Variants in MRTFB observed in about 807,000 individuals in gnomAD.
MRTFB encodes the protein myocardin related transcription factor B, also known as myocardin-related transcription factor B.
MRTFB carries 29 observed loss-of-function variants against 104.2 expected under a neutral mutation model. That is an observed-to-expected ratio of 0.28 (90% CI 0.21 to 0.38). The LOEUF is 0.38. Among genes scored for constraint, MRTFB ranks in the 10% least tolerant of loss-of-function variants. The probability of loss-of-function intolerance (pLI) is 1.00; values close to 1 mark genes in which losing one functional copy is unlikely to be tolerated. For missense variants in MRTFB, 1,270 were observed against 1,341.6 expected (o/e 0.95, Z 0.83); for synonymous variants, 535 against 519.5 (o/e 1.03, Z -0.41).
chr16:14,210,163 A>G, intron 3 of MRTFB, 80 bp from the exon 4 acceptor site: 1 of 1,041,200 alleles, frequency 9.6e-7, no homozygotes, highest in South Asian at 1.5e-5. Flanking sequence ...ATAAAGCTTA[A>G]TTGCATCTCC....
chr16:14,205,197 A>T (rs1034610249), intron 3 of MRTFB, among the ~76,000 whole-genome samples: 6 of 152,064 alleles, frequency 3.9e-5, no homozygotes, highest in Non-Finnish European at 8.8e-5. Context: ...TAGTTTTTTT[A>T]TCCTACTGTT....
intron 3 of MRTFB, among the ~76,000 whole-genome samples, chr16:14,154,537 T>C (rs1039863589): frequency 1.2e-4 from 18 of 152,360 alleles, no homozygotes; most frequent in South Asian, 1.0e-3. Flanking sequence ...TGTGGTATAA[T>C]AGTTATCTAT....
intron 3 of MRTFB, among the ~76,000 whole-genome samples, chr16:14,172,829 T>G (rs1014642302): frequency 4.6e-5 from 7 of 152,222 alleles, no homozygotes; most frequent in Non-Finnish European, 8.8e-5. Context: ...GAATGAATTA[T>G]CTGTTTATTT....
chr16:14,017,687 G>GTGTGTATA, the MRTFB span, among the ~76,000 whole-genome samples: 9 of 6,814 alleles, frequency 1.3e-3, no homozygotes, highest in African/African-American at 2.3e-3. Context: ...GTGTGTGTGT[G>GTGTGTATA]TATATATATA....
At chr16:14,117,847 A>G (rs2036620734) in intron 2 of MRTFB, among the ~76,000 whole-genome samples, 2 of 152,194 alleles carry the variant, frequency 1.3e-5, no homozygotes, top group South Asian at 4.1e-4. Context: ...AAGAAAAGCC[A>G]TTCATAGGTT....
At chr16:14,092,867 G>A (rs2035162273) in intron 2 of MRTFB, 1 of 152,170 alleles carries the variant, frequency 6.6e-6, no homozygotes, top group Non-Finnish European at 1.5e-5. Flanking sequence ...GAAAGGACTG[G>A]AAGTTCACCT....
chr16:14,245,470 C>G, intron 10 of MRTFB, 58 bp from the exon 11 acceptor site: 2 of 1,451,408 alleles, frequency 1.4e-6, no homozygotes, highest in South Asian at 2.6e-5. Flanking sequence ...TTAATAGAAG[C>G]AATGTCAAAT....
At chr16:14,236,809 A>G (rs974722839) in intron 9 of MRTFB, among the ~76,000 whole-genome samples, 1 of 152,174 alleles carries the variant, frequency 6.6e-6, no homozygotes, top group African/African-American at 2.4e-5. Flanking sequence ...TTTTGAGCTG[A>G]TATGTTAGAA....
At chr16:14,210,204 T>A in intron 3 of MRTFB, 39 bp from the exon 4 acceptor site, 1 of 1,543,268 alleles carries the variant, frequency 6.5e-7, no homozygotes, top group Non-Finnish European at 8.9e-7. Context: ...ATCCCACAGT[T>A]GCCGATAAAC....
chr16:14,196,688 G>C (rs190904709), intron 3 of MRTFB, among the ~76,000 whole-genome samples: 1 of 152,048 alleles, frequency 6.6e-6, no homozygotes, highest in Non-Finnish European at 1.5e-5. Context: ...GTAGTGTCTG[G>C]GGTTGATATT....
chr16:14,069,763 T>C (rs1305979792), upstream of MRTFB, among the ~76,000 whole-genome samples: 1 of 152,248 alleles, frequency 6.6e-6, no homozygotes, highest in East Asian at 1.9e-4. Flanking sequence ...ATTACAGGAA[T>C]GAGCAACCTT....
intron 1 of MRTFB, among the ~76,000 whole-genome samples, chr16:14,076,106 TA>T (rs1233168411): frequency 6.6e-6 from 1 of 151,448 alleles, no homozygotes; most frequent in African/African-American, 2.5e-5. Context: ...ATATACATAC[TA>T]TGTGAATATT....
At chr16:14,061,502 C>G in the MRTFB span, among the ~76,000 whole-genome samples, 1 of 151,642 alleles carries the variant, frequency 6.6e-6, no homozygotes, top group East Asian at 1.9e-4. Flanking sequence ...TTGTTCAAGG[C>G]CAGACAGCAA....
In MRTFB at chr16:14,195,052, A is replaced by T. The variant is rs373812663; in HGVS notation, c.155-15191A>T. 7.2e-5 allele frequency among the ~76,000 whole-genome samples: 11 copies of T among 152,320 alleles called. No homozygotes were observed. In the East Asian group the frequency reaches 2.1e-3, roughly 29 times the overall value. On this transcript the variant is annotated intron_variant, in intron 3 of 16. Transcript: ENST00000571589. ...TGAATATGATTTCTGAGGAGGTGCA[A>T]GTATCCAGTGTCTGCATTCTAGCAT...
At chr16:14,006,292 G>A in the MRTFB span, among the ~76,000 whole-genome samples, 8 of 152,012 alleles carry the variant, frequency 5.3e-5, no homozygotes, top group East Asian at 7.7e-4. Context: ...GCAGCGAGCC[G>A]AGATTGTGTC....
chr16:14,240,193 T>C, intron 9 of MRTFB, 44 bp from the exon 10 acceptor site: 1 of 1,534,852 alleles, frequency 6.5e-7, no homozygotes, highest in Non-Finnish European at 8.7e-7. Flanking sequence ...AGATTTTATG[T>C]GGTGACATCT....
At chr16:14,196,958 T>G (rs1354703333) in intron 3 of MRTFB, among the ~76,000 whole-genome samples, 2 of 147,430 alleles carry the variant, frequency 1.4e-5, no homozygotes, top group African/African-American at 5.1e-5. Flanking sequence ...GTGCTTTCTC[T>G]TTTTTCTTTT....
intron 2 of MRTFB, among the ~76,000 whole-genome samples, chr16:14,132,219 G>C (rs1347733225): frequency 6.6e-6 from 1 of 152,068 alleles, no homozygotes; most frequent in Non-Finnish European, 1.5e-5. Context: ...AAATGTCTGG[G>C]ACAGACAAAT....
the MRTFB span, among the ~76,000 whole-genome samples, chr16:14,027,134 C>T: frequency 6.6e-6 from 1 of 152,132 alleles, no homozygotes; most frequent in African/African-American, 2.4e-5. Context: ...TCATAATAGT[C>T]CCAAACCAGA....
Sources: allele counts gnomAD v4.1 joint callset (sites outside exome capture counted in the v4.1 genomes callset), GRCh38; gene constraint gnomAD v4.1.1; transcripts MANE v1.5; gene names NCBI Gene and HGNC (gene_info 2026-07-23, HGNC 2026-07-21).